PEAR1: variants seen among roughly 807,000 people sequenced by gnomAD.
PEAR1 encodes multiple EGF-like domains protein 12.
In PEAR1, 113 loss-of-function variants were observed where a neutral mutation model predicts 131.2. The ratio of observed to expected loss-of-function variants is 0.86; its 90% confidence interval spans 0.74 to 1.01. The LOEUF is 1.01. Among genes scored for constraint, PEAR1 ranks in the 50% least tolerant of loss-of-function variants. The pLI is 0.00. For missense variants in PEAR1, 1,408 were observed against 1,391.1 expected, an observed-to-expected ratio of 1.01 and a Z score of -0.19; for synonymous variants, 565 against 523.3, an observed-to-expected ratio of 1.08 and a Z score of -1.09.
intron 2 of PEAR1, among the ~76,000 whole-genome samples, chr1:156,904,524 A>T (rs1453098605): frequency 2.6e-5 from 4 of 152,138 alleles, no homozygotes; most frequent in Non-Finnish European, 5.9e-5. Flanking sequence ...ATAGAGTGGG[A>T]AGGGCGCTCT....
At position 156,900,386 on chromosome 1, in the gene PEAR1, A is replaced by G. The variant is rs569017919; in HGVS notation, c.-9-3532A>G. On this transcript the variant is annotated intron_variant, in intron 1 of 22. Coordinates refer to ENST00000292357, the MANE Select transcript of PEAR1 (RefSeq NM_001080471.3). ...CCCATAAGAGAGACTTTTAAAAAGA[A>G]GATACAGAGCCCCTGGGCTTCCCAT... 2.0e-5 allele frequency among the ~76,000 whole-genome samples: 3 copies of G among 152,108 alleles called. No individual in the cohort carries two copies. In the South Asian group the frequency reaches 6.2e-4, roughly 32 times the overall value.
intron 4 of PEAR1, 43 bp from the exon 5 acceptor site, chr1:156,906,233 G>A (rs1156642729): frequency 1.3e-6 from 2 of 1,580,278 alleles, no homozygotes; most frequent in Admixed American, 1.7e-5. Flanking sequence ...AGCTGGGTAG[G>A]GGCAGGGGTG....
intron 2 of PEAR1, 98 bp from the exon 3 acceptor site, chr1:156,904,650 G>A (rs1276522062): frequency 8.1e-7 from 1 of 1,234,998 alleles, no homozygotes; most frequent in Non-Finnish European, 1.1e-6. Context: ...TTGGGCTGTG[G>A]ATTCCCCACT....
At position 156,902,957 on chromosome 1, in the gene PEAR1, G is replaced by T. The variant is rs1649839790; in HGVS notation, c.-9-961G>T. Among the ~76,000 whole-genome samples, 1 of 152,150 alleles carries T rather than the reference G, an allele frequency of 6.6e-6. No individual in the cohort carries two copies. Among genetic ancestry groups the T allele is most frequent in the Non-Finnish European group, 1.5e-5 (1 of 68,018 alleles). ...AGCTTTTCCTTAAATGCAAGGCCAG[G>T]TTGGTGACCTCTTCAGGTGATGGCA... On this transcript the variant is annotated intron_variant, in intron 1 of 22. Transcript: ENST00000292357. This position sits in a 1 kb window ranked among gnomAD's most constrained non-coding sequence, Gnocchi z 4.3.
chr1:156,896,906 A>G (rs537290635), intron 1 of PEAR1, among the ~76,000 whole-genome samples: 3 of 152,278 alleles, frequency 2.0e-5, no homozygotes, highest in Non-Finnish European at 2.9e-5. Context: ...GTAACGTTGA[A>G]AAGTTCTTTC....
In PEAR1 at chr1:156,915,682, C is replaced by T. The variant is rs1178371275; in HGVS notation, c.*884C>T. ...TACCTGCAGAAGGCCTACAGGGTGC[C>T]AGGCACTTCTTTAATGTGTTCTTTC... On this transcript the variant is annotated 3_prime_UTR_variant, in exon 23 of 23. Coordinates refer to ENST00000292357, the MANE Select transcript of PEAR1 (RefSeq NM_001080471.3). 6.6e-6 allele frequency: 1 copy of T among 152,242 alleles called. No individual in the cohort carries two copies. The highest frequency in any genetic ancestry group is 1.5e-5 in the Non-Finnish European group (1 of 68,056). The allele number at this position is 152,242 out of a possible 1,614,324, so 9.4% of individuals were successfully genotyped here.
In PEAR1 at chr1:156,913,692, G is replaced by A; in HGVS notation, c.2645G>A (p.Gly882Glu). 6.2e-7 allele frequency: 1 copy of A among 1,613,724 alleles called. No homozygotes were observed. Among genetic ancestry groups the A allele is most frequent in the Non-Finnish European group, 8.5e-7 (1 of 1,179,878 alleles). The change falls in exon 21 of 23, where the codon GGG (glycine) becomes GAG (glutamate). Residue 882 changes from glycine (G) to glutamate (E), a missense_variant and splice_region_variant. By Grantham distance (98) the Gly-to-Glu change is moderately conservative (BLOSUM62 -2). Transcript: ENST00000292357. ...TTACCAGTTGCCTCCTCCTCCTCAG[G>A]GAGCAGCCGCCTGGACCGAAGCTAC... ...REPPPGPLDR[G>E]SSRLDRSYSY... is the part of the protein sequence containing the mutation.
At chr1:156,900,335 GT>G (rs1477564109) in intron 1 of PEAR1, among the ~76,000 whole-genome samples, 2 of 138,954 alleles carry the variant, frequency 1.4e-5, no homozygotes, top group Non-Finnish European at 3.1e-5. Flanking sequence ...CCCTTCTCCT[GT>G]CCAATCCCCT....
At position 156,905,408 on chromosome 1, in the gene PEAR1, C is replaced by T. The variant is rs763757907; in HGVS notation, c.291C>T (p.Ser97=). ...AGTGCTGCCATGGCTTCTATGAGAGCAGGGGGTTCTGTGTCCGTGAGTCCA... is the reference window on the plus strand; with the variant it reads ...AGTGCTGCCATGGCTTCTATGAGAGTAGGGGGTTCTGTGTCCGTGAGTCCA... ...RLQCCHGFYE[S]RGFCVPLCAQ... Residue 97 remains serine (S), a synonymous_variant, in exon 4 of 23, where the codon AGC becomes AGT. Transcript: ENST00000292357. 3.1e-6 allele frequency: 5 copies of T among 1,605,658 alleles called. No homozygotes were observed. The highest frequency in any genetic ancestry group is 1.7e-5 in the Admixed American group (1 of 58,890).
At chr1:156,896,913 T>A (rs899820581) in intron 1 of PEAR1, among the ~76,000 whole-genome samples, 6 of 152,234 alleles carry the variant, frequency 3.9e-5, no homozygotes, top group Non-Finnish European at 8.8e-5. Flanking sequence ...TGAAAAGTTC[T>A]TTCTGCATTC....
At chr1:156,894,290 G>C (rs1268143373) in intron 1 of PEAR1, among the ~76,000 whole-genome samples, 2 of 152,226 alleles carry the variant, frequency 1.3e-5, no homozygotes, top group Non-Finnish European at 2.9e-5. Context: ...ACTGTCTGTG[G>C]GGTCTTGGTC....
intron 1 of PEAR1, 96 bp from the exon 2 acceptor site, chr1:156,903,822 T>A: frequency 1.0e-6 from 1 of 984,326 alleles, no homozygotes; most frequent in Non-Finnish European, 1.6e-6. Context: ...CGCAGTCTGG[T>A]CTCTTCTGCA....
rs560323084 is a variant in PEAR1, at chr1:156,906,582, G to C, written c.401-55G>C. On this transcript the variant is annotated intron_variant, in intron 5 of 22. Coordinates refer to ENST00000292357, the MANE Select transcript of PEAR1 (RefSeq NM_001080471.3). ...AGAGGCTGGGAGACAGAGACGGGGAGGCTGGGGATGGACTAGACCCCTGGT... is the reference window on the plus strand; with the variant it reads ...AGAGGCTGGGAGACAGAGACGGGGACGCTGGGGATGGACTAGACCCCTGGT... The C allele has an allele frequency of 3.1e-6, 5 of 1,603,826 alleles. No homozygotes were observed. In the African/African-American group the frequency reaches 4.0e-5, roughly 13 times the overall value.
Position 156,908,775 on chromosome 1 carries a change from C to A in PEAR1, c.1236C>A (p.His412Gln). Residue 412 changes from histidine to glutamine, a missense_variant, in exon 10 of 23, where the codon CAC becomes CAA. Physicochemically the swap from His to Gln is conservative, Grantham distance 24 (BLOSUM62 0). Transcript: ENST00000292357. This position sits in a 1 kb window ranked among gnomAD's most constrained non-coding sequence, Gnocchi z 4.2. ...GCCAGGAGCACTGTCTCTGCCTGCACGGTGGCGTCTGCCAGGCTACCAGCG... is the reference window on the plus strand; with the variant it reads ...GCCAGGAGCACTGTCTCTGCCTGCAAGGTGGCGTCTGCCAGGCTACCAGCG... The part of the protein sequence containing the change: ...PGCQEHCLCL[H>Q]GGVCQATSGL... 6.4e-7 allele frequency: 1 copy of A among 1,570,682 alleles called. No homozygotes were observed. Among genetic ancestry groups the A allele is most frequent in the Non-Finnish European group, 8.6e-7 (1 of 1,159,114 alleles).
chr1:156,909,727 C>T, intron 11 of PEAR1, 24 bp from the exon 12 acceptor site: 1 of 1,576,948 alleles, frequency 6.3e-7, no homozygotes, highest in Non-Finnish European at 8.6e-7. Context: ...GTCCCCATAC[C>T]TACCTACCAG....
intron 15 of PEAR1, among the ~76,000 whole-genome samples, chr1:156,911,935 CA>C (rs1444611471): frequency 7.2e-5 from 11 of 152,268 alleles, no homozygotes; most frequent in Non-Finnish European, 1.0e-4. Context: ...ATGTTAAAAA[CA>C]AAACAAAAAT....
intron 2 of PEAR1, among the ~76,000 whole-genome samples, chr1:156,904,491 G>A (rs1310319519): frequency 6.6e-6 from 1 of 152,210 alleles, no homozygotes; most frequent in Non-Finnish European, 1.5e-5. Context: ...GGCAGGGAGA[G>A]AAAAATGGAA....
intron 1 of PEAR1, among the ~76,000 whole-genome samples, chr1:156,901,950 G>C (rs964244880): frequency 1.3e-5 from 2 of 152,106 alleles, no homozygotes; most frequent in Non-Finnish European, 2.9e-5. Context: ...TGGGTGATGT[G>C]GGGGTGGAGC....
At chr1:156,906,027 C>T (rs1249965197) in intron 4 of PEAR1, among the ~76,000 whole-genome samples, 2 of 152,184 alleles carry the variant, frequency 1.3e-5, no homozygotes, top group Admixed American at 6.5e-5. Context: ...TGAGGATCTC[C>T]CCCAAAGCAT....
Sources: gnomAD v4.1 joint callset for allele counts (sites outside exome capture counted in the v4.1 genomes callset) on GRCh38, gnomAD v4.1.1 for gene constraint, Gnocchi (gnomAD v3.1) non-coding constraint, MANE v1.5 for transcripts, NCBI Gene and HGNC (gene_info 2026-07-23, HGNC 2026-07-21) for gene names.